CCBE1: variants seen among roughly 807,000 people sequenced by gnomAD.
The protein encoded by CCBE1 is collagen and calcium binding EGF domains 1.
Under a neutral mutation model 50.0 loss-of-function variants are expected in CCBE1, and 37 were observed. The observed-to-expected ratio is 0.74, with a 90% CI of 0.57 to 0.97. CCBE1 has a LOEUF of 0.97. Among genes scored for constraint, CCBE1 ranks in the 50% least tolerant of loss-of-function variants. The pLI, the probability that CCBE1 is intolerant of heterozygous loss-of-function variation, is 0.00. For missense variants in CCBE1, 538 were observed against 523.8 expected (o/e 1.03, Z -0.26); for synonymous variants, 234 against 203.7 (o/e 1.15, Z -1.27).
chr18:59,692,531 T>TAC (rs962092329), intron 2 of CCBE1, among the ~76,000 whole-genome samples: 6 of 152,220 alleles, frequency 3.9e-5, no homozygotes, highest in Admixed American at 2.6e-4. Flanking sequence ...AAGTGCATTA[T>TAC]ACAGTCTTTC....
intron 2 of CCBE1, among the ~76,000 whole-genome samples, chr18:59,659,066 G>A (rs1277942802): frequency 6.6e-6 from 1 of 152,008 alleles, no homozygotes; most frequent in Non-Finnish European, 1.5e-5. Context: ...AAAAGCAAGC[G>A]AGCCCGTGCA....
intron 7 of CCBE1, among the ~76,000 whole-genome samples, chr18:59,440,611 G>C (rs144413987): frequency 2.4e-3 from 369 of 152,058 alleles, no homozygotes; most frequent in African/African-American, 8.6e-3. Flanking sequence ...CACTCGGTGG[G>C]TCAGCAAACT....
intron 5 of CCBE1, among the ~76,000 whole-genome samples, chr18:59,457,107 C>G (rs1911230173): frequency 6.6e-6 from 1 of 152,172 alleles, no homozygotes; most frequent in African/African-American, 2.4e-5. Context: ...AACACTTGAA[C>G]CTCTGCAAAA....
At chr18:59,636,934 A>C (rs1485175922) in intron 2 of CCBE1, among the ~76,000 whole-genome samples, 1 of 152,218 alleles carries the variant, frequency 6.6e-6, no homozygotes, top group Non-Finnish European at 1.5e-5. Flanking sequence ...TTTAAATGCA[A>C]ATAATTAGCA....
intron 2 of CCBE1, among the ~76,000 whole-genome samples, chr18:59,532,848 G>A (rs1459034941): frequency 6.6e-6 from 1 of 152,052 alleles, no homozygotes; most frequent in Non-Finnish European, 1.5e-5. Flanking sequence ...TGTTCTGGAG[G>A]CTATCTAGGC....
rs553070565 is a variant in CCBE1, at chr18:59,469,741, G to C, written c.266-134C>G. 4 of 1,179,260 alleles carry C rather than the reference G, an allele frequency of 3.4e-6. No homozygotes were observed. In the Admixed American group the frequency reaches 7.1e-5, roughly 21 times the overall value. 73.0% of individuals were successfully genotyped at this position (1,179,260 alleles called of 1,614,324 possible). A position where few individuals can be genotyped will look rare whatever the true frequency, so the allele number is the denominator to read the frequency against. ...AAGTGTGGACAGATATACTTGGAGG[G>C]ACAGGAACTCTTTAGGGCTGTGGGT... On this transcript the variant is annotated intron_variant, in intron 3 of 10. Transcript: ENST00000439986.
At chr18:59,665,108 C>T (rs534911824) in intron 2 of CCBE1, among the ~76,000 whole-genome samples, 1 of 152,114 alleles carries the variant, frequency 6.6e-6, no homozygotes, top group Non-Finnish European at 1.5e-5. Context: ...CAGCTCCAAG[C>T]GTCAGCTGGC....
At chr18:59,570,184 T>G (rs933435056) in intron 2 of CCBE1, among the ~76,000 whole-genome samples, 18 of 152,192 alleles carry the variant, frequency 1.2e-4, no homozygotes, top group Non-Finnish European at 2.4e-4. Flanking sequence ...AGAGGGAGTT[T>G]CTGCTAGATC....
At chr18:59,668,722 C>T (rs576304131) in intron 2 of CCBE1, among the ~76,000 whole-genome samples, 7 of 151,798 alleles carry the variant, frequency 4.6e-5, no homozygotes, top group South Asian at 2.1e-4. Flanking sequence ...ATGGATTTCT[C>T]ACATGGCTAA....
intron 3 of CCBE1, among the ~76,000 whole-genome samples, chr18:59,471,864 A>T (rs994871031): frequency 6.6e-6 from 1 of 152,178 alleles, no homozygotes; most frequent in African/African-American, 2.4e-5. Flanking sequence ...CTTCCATCCC[A>T]CTAGCAGACT....
intron 2 of CCBE1, among the ~76,000 whole-genome samples, chr18:59,654,648 C>T (rs1004954433): frequency 9.2e-5 from 14 of 151,740 alleles, no homozygotes; most frequent in Admixed American, 5.3e-4. Context: ...CAAAATTAGC[C>T]GGGCATGGTC....
At chr18:59,503,052 T>C (rs548514740) in intron 2 of CCBE1, among the ~76,000 whole-genome samples, 1 of 152,282 alleles carries the variant, frequency 6.6e-6, no homozygotes, top group East Asian at 1.9e-4. Context: ...TGCTCAACTG[T>C]TTTTCTTCTT....
chr18:59,551,025 A>AAAAAAAAAAAG (rs1915905215), intron 2 of CCBE1, among the ~76,000 whole-genome samples: 1 of 114,854 alleles, frequency 8.7e-6, no homozygotes. Context: ...AAAAAAAAAA[A>AAAAAAAAAAAG]AAAAGAAAAG....
chr18:59,545,767 A>G (rs1213833441), intron 2 of CCBE1, among the ~76,000 whole-genome samples: 1 of 152,124 alleles, frequency 6.6e-6, no homozygotes, highest in Non-Finnish European at 1.5e-5. Flanking sequence ...GTCTCATGAG[A>G]TCTGACGGTT....
intron 2 of CCBE1, among the ~76,000 whole-genome samples, chr18:59,518,934 C>T (rs1404018481): frequency 6.6e-6 from 1 of 152,180 alleles, no homozygotes; most frequent in Non-Finnish European, 1.5e-5. Context: ...TATATGATTC[C>T]CAGAGTTCCC....
At chr18:59,665,256 A>G (rs2054337866) in intron 2 of CCBE1, among the ~76,000 whole-genome samples, 1 of 152,012 alleles carries the variant, frequency 6.6e-6, no homozygotes, top group South Asian at 2.1e-4. Context: ...CAGGTGACAG[A>G]GAAGATTCCC....
At chr18:59,503,323 A>G (rs984163456) in intron 2 of CCBE1, among the ~76,000 whole-genome samples, 2 of 151,852 alleles carry the variant, frequency 1.3e-5, no homozygotes, top group Non-Finnish European at 2.9e-5. Context: ...GAGCCGATCA[A>G]CCTGCCGAGT....
chr18:59,552,953 G>A (rs568471405), intron 2 of CCBE1, among the ~76,000 whole-genome samples: 1 of 152,294 alleles, frequency 6.6e-6, no homozygotes, highest in African/African-American at 2.4e-5. Context: ...CAGTAACACT[G>A]AGGAGATAAG....
intron 2 of CCBE1, among the ~76,000 whole-genome samples, chr18:59,665,091 G>A (rs190353771): frequency 7.4e-4 from 113 of 152,124 alleles, no homozygotes; most frequent in Admixed American, 2.0e-3. Flanking sequence ...CAGATACAAG[G>A]CCAAGGCAGC....
Sources: gnomAD v4.1 joint callset for allele counts (sites outside exome capture counted in the v4.1 genomes callset) on GRCh38, gnomAD v4.1.1 for gene constraint, MANE v1.5 for transcripts, NCBI Gene and HGNC (gene_info 2026-07-23, HGNC 2026-07-21) for gene names.